Variants in CBR4 observed in about 807,000 individuals in gnomAD.
CBR4 encodes carbonyl reductase 4, also known as 3-oxoacyl-[acyl-carrier-protein] reductase.
CBR4 carries 22 observed loss-of-function variants against 21.0 expected under a neutral mutation model. The observed-to-expected ratio is 1.05, with a 90% CI of 0.75 to 1.50. The LOEUF is 1.50. CBR4 is among the 40% of genes most tolerant of loss of function. CBR4 has a pLI of 0.00. For synonymous variants in CBR4, 100 were observed against 104.4 expected (o/e 0.96, Z 0.26); for missense variants, 302 against 286.3 (o/e 1.05, Z -0.40).
At chr4:168,957,805 G>A (rs888171100) in intron 2 of CBR4, among the ~76,000 whole-genome samples, 1 of 152,180 alleles carries the variant, frequency 6.6e-6, no homozygotes, top group Non-Finnish European at 1.5e-5. Flanking sequence ...TGTCGTGGAA[G>A]GGACCCAGTG....
At chr4:169,008,006 G>C (rs1731065967) in intron 1 of CBR4, among the ~76,000 whole-genome samples, 2 of 152,118 alleles carry the variant, frequency 1.3e-5, no homozygotes, top group South Asian at 4.1e-4. Flanking sequence ...AACAAAGGGG[G>C]GAGGGCTTTT....
chr4:169,005,255 T>C (rs1305352682), intron 3 of CBR4: 3 of 152,120 alleles, frequency 2.0e-5, no homozygotes, highest in Non-Finnish European at 4.4e-5. Context: ...ACAGGGCTGG[T>C]CCGATGGTAG....
chr4:168,935,489 G>A lies in CBR4; in HGVS notation n.170-40724C>T, dbSNP rs1018044851. On this transcript the variant is annotated intron_variant and non_coding_transcript_variant, in intron 2 of 3. Transcript: ENST00000509108. ...CTCAGTGGATCTGACCCCCTATGGAGCCCAGCAAGCTAAGATCCACTGGCT... is the reference window on the plus strand; with the variant it reads ...CTCAGTGGATCTGACCCCCTATGGAACCCAGCAAGCTAAGATCCACTGGCT... Among the ~76,000 whole-genome samples the A allele has an allele frequency of 1.3e-3, 191 of 152,234 alleles. 1 individual carries two copies. The highest frequency in any genetic ancestry group is 4.5e-3 in the African/African-American group (186 of 41,544).
At chr4:168,983,813 A>C (rs1764609077), downstream of CBR4, among the ~76,000 whole-genome samples, 1 of 152,002 alleles carries the variant, frequency 6.6e-6, no homozygotes, top group African/African-American at 2.4e-5. Context: ...AAAACTACAT[A>C]ATCTTCACAA....
chr4:168,922,102 T>C (rs5863968), intron 2 of CBR4, among the ~76,000 whole-genome samples: 16,464 of 131,774 alleles, frequency 0.12, 1,522 homozygotes, highest in African/African-American at 0.3. Flanking sequence ...TATATATATA[T>C]ACACACACAC....
intron 2 of CBR4, among the ~76,000 whole-genome samples, chr4:168,981,322 C>T (rs983811136): frequency 1.3e-5 from 2 of 152,018 alleles, no homozygotes; most frequent in African/African-American, 2.4e-5. Flanking sequence ...TTGCTTGAAC[C>T]CAGGAGGCAG....
chr4:169,001,865 A>G, intron 4 of CBR4: 1 of 356,484 alleles, frequency 2.8e-6, no homozygotes. Context: ...AGTCCTTTAG[A>G]GCAATGCAAA....
At chr4:168,926,587 G>T in intron 2 of CBR4, 1 of 478,916 alleles carries the variant, frequency 2.1e-6, no homozygotes, top group Non-Finnish European at 3.7e-6. Context: ...ACATTGCACA[G>T]AAAATACACA....
chr4:168,981,813 A>AAGCT (rs1764554250), intron 2 of CBR4, among the ~76,000 whole-genome samples: 1 of 152,238 alleles, frequency 6.6e-6, no homozygotes, highest in South Asian at 2.1e-4. Flanking sequence ...CAGCCAAACT[A>AAGCT]AGCTTCATAA....
intron 2 of CBR4, among the ~76,000 whole-genome samples, chr4:168,909,223 T>C (rs574365705): frequency 6.6e-6 from 1 of 152,336 alleles, no homozygotes; most frequent in Admixed American, 6.5e-5. Flanking sequence ...TAAGTTACTT[T>C]GTATTGCACT....
rs1241348619 is a variant in CBR4 at position 168,894,594 on chromosome 4, G to A, written n.341C>T. On this transcript the variant is annotated non_coding_transcript_exon_variant, in exon 3 of 4. Coordinates refer to the CBR4 transcript ENST00000509108. ...CGTTGTTTAGAGGTTAACATACGAA[G>A]AAAGAATGGCTCGTCGACTGCTAGG... 17 of 1,613,070 alleles carry A rather than the reference G, an allele frequency of 1.1e-5. No individual in the cohort carries two copies. Among genetic ancestry groups the A allele is most frequent in the Non-Finnish European group, 1.4e-5 (17 of 1,179,158 alleles).
At chr4:168,916,407 C>G (rs942773268) in intron 2 of CBR4, among the ~76,000 whole-genome samples, 10 of 151,942 alleles carry the variant, frequency 6.6e-5, no homozygotes, top group African/African-American at 2.2e-4. Context: ...AAGACCCTGT[C>G]TCAAAAAATG....
At chr4:168,975,802 ATTAAG>A (rs780989782) in intron 2 of CBR4, among the ~76,000 whole-genome samples, 6 of 152,050 alleles carry the variant, frequency 3.9e-5, no homozygotes, top group African/African-American at 7.2e-5. Flanking sequence ...TCCCAGGCCA[ATTAAG>A]TTATGTTCCC....
At chr4:168,981,861 G>GCTAAGGGCATTTGTTA (rs1191927990) in intron 2 of CBR4, among the ~76,000 whole-genome samples, 2 of 152,160 alleles carry the variant, frequency 1.3e-5, no homozygotes, top group African/African-American at 4.8e-5. Flanking sequence ...ACAAGCAAAT[G>GCTAAGGGCATTTGTTA]CTAAGGGCAT....
intron 2 of CBR4, chr4:168,925,259 C>G (rs1762357482): frequency 6.2e-7 from 1 of 1,607,160 alleles, no homozygotes. Context: ...GTGAACCACA[C>G]CAGGAGAACA....
chr4:168,990,135 T>C lies in CBR4; in HGVS notation c.*15A>G. 6.3e-7 allele frequency: 1 copy of C among 1,587,586 alleles called. No individual in the cohort carries two copies. Among genetic ancestry groups the C allele is most frequent in the South Asian group, 1.1e-5 (1 of 87,312 alleles). On this transcript the variant is annotated 3_prime_UTR_variant, in exon 5 of 5. Transcript: ENST00000306193. ...CCTTGATGCTAATCACCCCTATAACTGAATAATCTGCAAATTACAAAATGA... is the reference window on the plus strand; with the variant it reads ...CCTTGATGCTAATCACCCCTATAACCGAATAATCTGCAAATTACAAAATGA...
At chr4:168,995,581 T>C (rs1765155587) in intron 4 of CBR4, among the ~76,000 whole-genome samples, 1 of 143,068 alleles carries the variant, frequency 7.0e-6, no homozygotes. Flanking sequence ...CTCTCTCTCC[T>C]TGGCCCCAAA....
At chr4:168,907,747 A>G (rs1278277184) in intron 2 of CBR4, among the ~76,000 whole-genome samples, 1 of 152,172 alleles carries the variant, frequency 6.6e-6, no homozygotes, top group African/African-American at 2.4e-5. Context: ...AGCAATGAGA[A>G]GTGGACCAAG....
chr4:168,926,084 C>T, intron 2 of CBR4: 1 of 707,690 alleles, frequency 1.4e-6, no homozygotes, highest in Admixed American at 3.2e-5. Flanking sequence ...CCTAAATTTT[C>T]CATGTTTCTA....
Sources: allele counts gnomAD v4.1 joint callset (sites outside exome capture counted in the v4.1 genomes callset), GRCh38; gene constraint gnomAD v4.1.1; transcripts MANE v1.5; gene names NCBI Gene and HGNC (gene_info 2026-07-23, HGNC 2026-07-21).